Variants in MRPS25 observed in about 807,000 individuals in gnomAD.
MRPS25 encodes small ribosomal subunit protein mS25.
In MRPS25, 15 loss-of-function variants were observed where a neutral mutation model predicts 17.3. The ratio of observed to expected loss-of-function variants is 0.87; its 90% confidence interval spans 0.58 to 1.34. MRPS25 has a LOEUF of 1.34. Ranked by LOEUF, MRPS25 falls within the 40% of genes most tolerant of loss-of-function variation. The pLI is 0.00. For synonymous variants in MRPS25, 94 were observed against 83.3 expected (o/e 1.13, Z -0.70); for missense variants, 225 against 218.6 (o/e 1.03, Z -0.19).
chr3:15,053,423 T>C lies in MRPS25; in HGVS notation c.286A>G (p.Lys96Glu), dbSNP rs1559327081. The C allele has an allele frequency of 1.2e-6, 2 of 1,614,192 alleles. No individual in the cohort carries two copies. The highest frequency in any genetic ancestry group is 1.7e-6 in the Non-Finnish European group (2 of 1,180,030). Reference protein sequence around the residue: ...VLVDVETKSNKEIMEHIRKIL... With the variant: ...VLVDVETKSNEEIMEHIRKIL... Reference sequence around the variant, plus strand: ...TTTCTGATGTGCTCCATGATCTCCTTATTGCTCTTGGTCTCCACATCCACC... The same window carrying C: ...TTTCTGATGTGCTCCATGATCTCCTCATTGCTCTTGGTCTCCACATCCACC... Residue 96 changes from lysine (K) to glutamate (E), a missense_variant, in exon 3 of 4, where the codon AAG becomes GAG. Coordinates refer to ENST00000253686, the MANE Select transcript of MRPS25 (RefSeq NM_022497.5).
At chr3:15,042,710 G>T (rs116393650), downstream of MRPS25, 9,099 of 766,262 alleles carry the variant, frequency 0.012, 86 homozygotes, top group Non-Finnish European at 0.013. Context: ...AAAGAGAGGT[G>T]GGTGGATGGT....
At chr3:15,053,744 T>C (rs1160498884) in intron 2 of MRPS25, 1 of 470,444 alleles carries the variant, frequency 2.1e-6, no homozygotes, top group Non-Finnish European at 3.9e-6. Context: ...AGACGGCAAT[T>C]CTCCCCAGAC....
In MRPS25 at chr3:15,050,144, T is replaced by A. The variant is rs2042581780; in HGVS notation, c.*2297A>T. ...TAAAGAGAAACTATCCAGGATCAAGTAGCCTACAGGGAACAAAAAAAGAAA... is the reference window on the plus strand; with the variant it reads ...TAAAGAGAAACTATCCAGGATCAAGAAGCCTACAGGGAACAAAAAAAGAAA... On this transcript the variant is annotated 3_prime_UTR_variant, in exon 4 of 4. Coordinates refer to ENST00000253686, the MANE Select transcript of MRPS25 (RefSeq NM_022497.5). 7.4e-7 allele frequency: 1 copy of A among 1,349,714 alleles called. No homozygotes were observed. Among genetic ancestry groups the A allele is most frequent in the Non-Finnish European group, 9.4e-7 (1 of 1,061,352 alleles). 83.6% of individuals were successfully genotyped at this position (1,349,714 alleles called of 1,614,324 possible).
rs953014575 is a variant in MRPS25, at chr3:15,052,301, G to A, written c.*140C>T. 25 of 1,452,776 alleles carry A rather than the reference G, an allele frequency of 1.7e-5. No homozygotes were observed. The highest frequency in any genetic ancestry group is 1.2e-5 in the Non-Finnish European group (13 of 1,105,184). 90.0% of individuals were successfully genotyped at this position (1,452,776 alleles called of 1,614,324 possible). A position where few individuals can be genotyped will look rare whatever the true frequency, so the allele number is the denominator to read the frequency against. On this transcript the variant is annotated 3_prime_UTR_variant, in exon 4 of 4. Coordinates refer to ENST00000253686, the MANE Select transcript of MRPS25 (RefSeq NM_022497.5). The stretch of plus-strand genomic sequence containing the variant: ...TCCTCTCCCACATCCTTTTACACAG[G>A]TGTGTAAAGTCCTTTTAATGCAAAA...
In MRPS25 at chr3:15,065,062, T is replaced by C. The variant is rs1355180857; in HGVS notation, c.133A>G (p.Arg45Gly). 6.3e-7 allele frequency: 1 copy of C among 1,584,038 alleles called. No individual in the cohort carries two copies. The highest frequency in any genetic ancestry group is 1.8e-5 in the Admixed American group (1 of 55,722). The change falls in exon 1 of 4, where the codon AGG (arginine) becomes GGG (glycine). Residue 45 changes from arginine to glycine, a missense_variant and splice_region_variant. Coordinates refer to ENST00000253686, the MANE Select transcript of MRPS25 (RefSeq NM_022497.5). ...NTHGELGEGA[R>G]KFVFFNIPQI... ...CAGGCGGCCGGGGCTGCGACTGACC[T>C]GGCGCCCTCGCCCAGCTCCCCATGC...
chr3:15,044,692 C>G (rs2042390308), downstream of MRPS25: 1 of 152,278 alleles, frequency 6.6e-6, no homozygotes, highest in African/African-American at 2.4e-5. Context: ...TCCCCTGACT[C>G]ACAGGTGCTC....
Position 15,065,255 on chromosome 3 carries a change from C to T in MRPS25, c.-61G>A. 1 of 1,494,928 alleles carries T rather than the reference C, an allele frequency of 6.7e-7. No homozygotes were observed. Among genetic ancestry groups the T allele is most frequent in the Non-Finnish European group, 8.9e-7 (1 of 1,121,060 alleles). 92.6% of individuals were successfully genotyped at this position (1,494,928 alleles called of 1,614,324 possible). On this transcript the variant is annotated 5_prime_UTR_variant, in exon 1 of 4. Transcript: ENST00000253686. Reference sequence around the variant, plus strand: ...CGAGCCGAGCAGCGACGAGAAAGGACTAGCTAGCACCCGCGCGGATCTCAC... The same window carrying T: ...CGAGCCGAGCAGCGACGAGAAAGGATTAGCTAGCACCCGCGCGGATCTCAC...
At chr3:15,042,830 A>G, downstream of MRPS25, 1 of 1,613,232 alleles carries the variant, frequency 6.2e-7, no homozygotes, top group Non-Finnish European at 8.5e-7. Flanking sequence ...ACTCCCTTTT[A>G]TAGATTGGCC....
chr3:15,057,636 T>G (rs562996991), intron 2 of MRPS25, among the ~76,000 whole-genome samples: 1 of 152,324 alleles, frequency 6.6e-6, no homozygotes, highest in South Asian at 2.1e-4. Context: ...AACCAGAAAG[T>G]GGCACTAAGG....
In MRPS25 at chr3:15,052,516, G is replaced by A; in HGVS notation, c.447C>T (p.Cys149=). The A allele has an allele frequency of 1.2e-6, 2 of 1,614,184 alleles. No individual in the cohort carries two copies. Among genetic ancestry groups the A allele is most frequent in the South Asian group, 1.1e-5 (1 of 91,082 alleles). Residue 149 remains cysteine (C), a synonymous_variant, in exon 4 of 4, where the codon TGC becomes TGT. Coordinates refer to ENST00000253686, the MANE Select transcript of MRPS25 (RefSeq NM_022497.5). The part of the protein sequence containing the change: ...CICEVEGQVP[C]PSLVPLPKEM... ...CCTTGGGTAATGGCACCAGGCTGGG[G>A]CAGGGCACCTGCCCTTCCACTTCAC...
At chr3:15,058,247 TG>T (rs1363788197) in intron 2 of MRPS25, among the ~76,000 whole-genome samples, 11 of 152,046 alleles carry the variant, frequency 7.2e-5, no homozygotes, top group Non-Finnish European at 1.3e-4. Flanking sequence ...TGGAGTGCAG[TG>T]GCGCGATCTC....
chr3:15,059,382 CAGGA>C lies in MRPS25; in HGVS notation c.224_227del (p.Phe75CysfsTer5). ...GGCCCCACTCACCTAAGTAGAATCG[CAGGA>C]AGGGTGACGGCGTCATGTTCTTAAA... is the stretch of plus-strand genomic sequence containing the variant. On this transcript the variant is annotated frameshift_variant, in exon 2 of 4. Transcript: ENST00000253686. LOFTEE classifies it high-confidence loss of function. 1 of 1,612,696 alleles carries C rather than the reference CAGGA, an allele frequency of 6.2e-7. No individual in the cohort carries two copies. The highest frequency in any genetic ancestry group is 8.5e-7 in the Non-Finnish European group (1 of 1,178,924).
At chr3:15,048,097 T>G (rs1369845817), downstream of MRPS25, 2 of 152,678 alleles carry the variant, frequency 1.3e-5, no homozygotes, top group African/African-American at 4.8e-5. Flanking sequence ...CACAGTTTCC[T>G]CTTTTTCTTT....
chr3:15,054,496 C>G (rs955135474), intron 2 of MRPS25, among the ~76,000 whole-genome samples: 3 of 151,962 alleles, frequency 2.0e-5, no homozygotes, highest in Non-Finnish European at 2.9e-5. Context: ...GAGCTGAGAT[C>G]GTGCTACTGC....
intron 2 of MRPS25, among the ~76,000 whole-genome samples, chr3:15,056,351 AAAG>A (rs2042673267): frequency 6.6e-6 from 1 of 152,258 alleles, no homozygotes; most frequent in Admixed American, 6.5e-5. Flanking sequence ...CCAAAATTTA[AAAG>A]ACAATTTGGT....
chr3:15,059,477 T>C lies in MRPS25; in HGVS notation c.135-2A>G. 6.2e-7 allele frequency: 1 copy of C among 1,600,220 alleles called. No homozygotes were observed. The highest frequency in any genetic ancestry group is 8.6e-7 in the Non-Finnish European group (1 of 1,168,370). ...GGTATGTTGAAAAACACAAACTTCC[T>C]GCAAAAGGGAAGAAATGAAGCCTAT... On this transcript the variant is annotated splice_acceptor_variant, in intron 1 of 3. Transcript: ENST00000253686. LOFTEE classifies it high-confidence loss of function.
At chr3:15,063,418 T>C (rs1484408149) in intron 1 of MRPS25, among the ~76,000 whole-genome samples, 3 of 151,792 alleles carry the variant, frequency 2.0e-5, no homozygotes, top group Non-Finnish European at 4.4e-5. Context: ...GGGATGGAGG[T>C]AGGTCCCAGT....
At chr3:15,061,009 C>G (rs1473882750) in intron 1 of MRPS25, among the ~76,000 whole-genome samples, 1 of 152,172 alleles carries the variant, frequency 6.6e-6, no homozygotes, top group Non-Finnish European at 1.5e-5. Context: ...CAGGGCGTAG[C>G]AGGCCTCTGA....
intron 2 of MRPS25, among the ~76,000 whole-genome samples, chr3:15,059,106 C>A (rs1399461381): frequency 6.6e-6 from 1 of 151,354 alleles, no homozygotes; most frequent in Non-Finnish European, 1.5e-5. Flanking sequence ...AAAGGCATCA[C>A]AGCCTGGTGT....
Sources: allele counts gnomAD v4.1 joint callset (sites outside exome capture counted in the v4.1 genomes callset), GRCh38; gene constraint gnomAD v4.1.1; transcripts MANE v1.5; gene names NCBI Gene and HGNC (gene_info 2026-07-23, HGNC 2026-07-21).